Variants in RSPRY1 observed in about 807,000 individuals in gnomAD.
The protein encoded by RSPRY1 is RING finger and SPRY domain-containing protein 1.
RSPRY1 carries 23 observed loss-of-function variants against 73.1 expected under a neutral mutation model. That is an observed-to-expected ratio of 0.31 (90% CI 0.23 to 0.45). The LOEUF is 0.45. Among genes scored for constraint, RSPRY1 ranks in the 20% least tolerant of loss-of-function variants. The probability of loss-of-function intolerance (pLI) is 1.00; values close to 1 mark genes in which losing one functional copy is unlikely to be tolerated. For missense variants in RSPRY1, 448 were observed against 698.7 expected, an observed-to-expected ratio of 0.64 and a Z score of 4.05; for synonymous variants, 226 against 251.4, an observed-to-expected ratio of 0.90 and a Z score of 0.95.
chr16:57,190,723 T>C (rs2074338444), intron 1 of RSPRY1, among the ~76,000 whole-genome samples: 1 of 152,212 alleles, frequency 6.6e-6, no homozygotes, highest in African/African-American at 2.4e-5. Context: ...ATATTTCCCT[T>C]TGGTTTATCA....
At chr16:57,221,093 C>G (rs1473155425) in intron 9 of RSPRY1, among the ~76,000 whole-genome samples, 179 bp from the exon 10 acceptor site, 1 of 152,118 alleles carries the variant, frequency 6.6e-6, no homozygotes, top group Non-Finnish European at 1.5e-5. Context: ...CTGTATGTTG[C>G]CAAATGCCTT....
At chr16:57,194,886 T>C (rs1322735265) in intron 1 of RSPRY1, among the ~76,000 whole-genome samples, 1 of 152,138 alleles carries the variant, frequency 6.6e-6, no homozygotes, top group Non-Finnish European at 1.5e-5. Context: ...TTTATGATGG[T>C]AGAGGTCTGT....
At chr16:57,222,391 A>T (rs1315547036) in intron 10 of RSPRY1, among the ~76,000 whole-genome samples, 4 of 152,212 alleles carry the variant, frequency 2.6e-5, no homozygotes, top group Non-Finnish European at 5.9e-5. Flanking sequence ...ATGGTGACCT[A>T]CTTATAAGCA....
chr16:57,208,306 T>TG (rs2074765411), intron 3 of RSPRY1, among the ~76,000 whole-genome samples, 196 bp downstream of exon 3: 3 of 144,492 alleles, frequency 2.1e-5, no homozygotes, highest in African/African-American at 5.1e-5. Context: ...TTATACCTTT[T>TG]TTTTTTTTTT....
intron 14 of RSPRY1, among the ~76,000 whole-genome samples, chr16:57,236,937 C>T (rs554037470): frequency 3.5e-4 from 53 of 152,106 alleles, no homozygotes; most frequent in Non-Finnish European, 1.2e-4. Context: ...GAGGCCAAGG[C>T]GGGTGGATCA....
At position 57,221,157 on chromosome 16, in the gene RSPRY1, A is replaced by G. The variant is rs1378237264; in HGVS notation, c.1018-115A>G. 5.1e-5 allele frequency: 65 copies of G among 1,276,868 alleles called. 1 individual carries two copies. Among genetic ancestry groups the G allele is most frequent in the Non-Finnish European group, 6.3e-5 (57 of 908,838 alleles). 79.1% of individuals were successfully genotyped at this position (1,276,868 alleles called of 1,614,324 possible). A position where few individuals can be genotyped will look rare whatever the true frequency, so the allele number is the denominator to read the frequency against. ...CTGAGGATGGACAGAGGAGGAAGCA[A>G]TAGTCCACCAGAAGTTTTAATAAGG... On this transcript the variant is annotated intron_variant, in intron 9 of 14. Coordinates refer to ENST00000394420, the MANE Select transcript of RSPRY1 (RefSeq NM_133368.3).
intron 1 of RSPRY1, among the ~76,000 whole-genome samples, chr16:57,198,560 T>C (rs779283118): frequency 6.6e-6 from 1 of 152,228 alleles, no homozygotes; most frequent in African/African-American, 2.4e-5. Flanking sequence ...CTAAATACTT[T>C]TATGTGTTGG....
At chr16:57,189,787 C>T (rs547681739) in intron 1 of RSPRY1, among the ~76,000 whole-genome samples, 183 of 151,534 alleles carry the variant, frequency 1.2e-3, no homozygotes, top group Admixed American at 2.8e-3. Flanking sequence ...GACAGGGTTA[C>T]GCCATGTTGC....
At chr16:57,217,172 C>A (rs1233818754) in intron 8 of RSPRY1, 137 bp downstream of exon 8, 1 of 906,948 alleles carries the variant, frequency 1.1e-6, no homozygotes, top group South Asian at 1.6e-5. Flanking sequence ...TGGATATATT[C>A]TAGCAGAAAA....
rs1325395632 is a variant in RSPRY1 at position 57,201,960 on chromosome 16, AGAGGGAGAGGGAGAG to A, written c.-155-2525_-155-2511del. Among the ~76,000 whole-genome samples, 95 of 152,074 alleles carry A rather than the reference AGAGGGAGAGGGAGAG, an allele frequency of 6.2e-4. 1 individual carries two copies. The highest frequency in any genetic ancestry group is 6.8e-3 in the Middle Eastern group (2 of 294). On this transcript the variant is annotated intron_variant, in intron 1 of 14. Coordinates refer to ENST00000394420, the MANE Select transcript of RSPRY1 (RefSeq NM_133368.3). ...AGGGGGAGACCGTGGAAAGAGAGAGAGAGGGAGAGGGAGAGGAGGGAGAGGGAGAGGAGCAGTTTA... is the reference window on the plus strand; with the variant it reads ...AGGGGGAGACCGTGGAAAGAGAGAGAGAGGGAGAGGGAGAGGAGCAGTTTA...
Position 57,216,143 on chromosome 16 carries a change from C to G in RSPRY1, c.739C>G (p.Leu247Val). Residue 247 changes from leucine to valine, a missense_variant, in exon 7 of 15, where the codon CTT becomes GTT. By Grantham distance (32) the Leu-to-Val change is conservative. Transcript: ENST00000394420. ...QSHPTVMLFA[L>V]IALEKFAQTS... ...CCACCCCACAGTCATGCTTTTTGCA[C>G]TTATCGCACTGGAAAAGTTTGCACA... 6.2e-7 allele frequency: 1 copy of G among 1,609,834 alleles called. No individual in the cohort carries two copies. The highest frequency in any genetic ancestry group is 8.5e-7 in the Non-Finnish European group (1 of 1,177,878).
chr16:57,221,586 A>G (rs2075037066), intron 10 of RSPRY1, among the ~76,000 whole-genome samples, 171 bp downstream of exon 10: 1 of 152,228 alleles, frequency 6.6e-6, no homozygotes, highest in African/African-American at 2.4e-5. Context: ...TGATAGAGAA[A>G]TAGGAAAACA....
chr16:57,197,251 C>A (rs2074466015), intron 1 of RSPRY1, among the ~76,000 whole-genome samples: 1 of 152,158 alleles, frequency 6.6e-6, no homozygotes, highest in African/African-American at 2.4e-5. Flanking sequence ...ACAGCCATTT[C>A]CAGTTTAAAA....
chr16:57,238,228 G>A (rs576787250), intron 14 of RSPRY1, among the ~76,000 whole-genome samples: 2 of 152,264 alleles, frequency 1.3e-5, no homozygotes, highest in African/African-American at 4.8e-5. Context: ...GGACCTCTCA[G>A]TATTGTAAAG....
rs1412217008 is a variant in RSPRY1, at chr16:57,210,436, T to C, written c.516+1249T>C. Among the ~76,000 whole-genome samples the C allele has an allele frequency of 3.9e-4, 59 of 152,156 alleles. 2 individuals are homozygous for C. The highest frequency in any genetic ancestry group is 3.7e-3 in the Admixed American group (57 of 15,292). On this transcript the variant is annotated intron_variant, in intron 4 of 14. Coordinates refer to ENST00000394420, the MANE Select transcript of RSPRY1 (RefSeq NM_133368.3). ...AAGCATTTAAGGCTGGGCGCGGTGG[T>C]TCACGCCTGTAATCCTAGCACTTTG...
chr16:57,194,017 G>T (rs1313118824), intron 1 of RSPRY1, among the ~76,000 whole-genome samples: 1 of 151,846 alleles, frequency 6.6e-6, no homozygotes, highest in East Asian at 1.9e-4. Context: ...GGTAAACTGG[G>T]ATCACACCAG....
At chr16:57,227,861 G>A (rs1352132807) in intron 11 of RSPRY1, among the ~76,000 whole-genome samples, 1 of 152,180 alleles carries the variant, frequency 6.6e-6, no homozygotes, top group African/African-American at 2.4e-5. Context: ...CTCTAAGGAA[G>A]TAGGGTCATA....
intron 10 of RSPRY1, among the ~76,000 whole-genome samples, chr16:57,222,461 A>G (rs1350888813): frequency 3.3e-5 from 5 of 152,212 alleles, no homozygotes; most frequent in African/African-American, 9.6e-5. Flanking sequence ...TTGATGGTGT[A>G]TTATTAAAAC....
At chr16:57,194,022 C>T (rs2074395495) in intron 1 of RSPRY1, among the ~76,000 whole-genome samples, 1 of 151,684 alleles carries the variant, frequency 6.6e-6, no homozygotes, top group Non-Finnish European at 1.5e-5. Context: ...ACTGGGATCA[C>T]ACCAGTGCAC....
Sources: allele counts gnomAD v4.1 joint callset (sites outside exome capture counted in the v4.1 genomes callset), GRCh38; gene constraint gnomAD v4.1.1; transcripts MANE v1.5; gene names NCBI Gene and HGNC (gene_info 2026-07-23, HGNC 2026-07-21).